The following PLAAT3 variants were observed in gnomAD, a reference collection of about 807,000 sequenced individuals.
The protein encoded by PLAAT3 is Ca-independent phospholipase A1/2.
A neutral mutation model predicts 16.7 loss-of-function variants in PLAAT3; 21 were observed. The ratio of observed to expected loss-of-function variants is 1.26; its 90% CI spans 0.89 to 1.81. The LOEUF (loss-of-function observed/expected upper bound fraction) is 1.81, where lower values mean the gene tolerates loss of function less well. Among genes scored for constraint, PLAAT3 ranks in the 40% most tolerant of loss-of-function variants. The pLI, the probability that PLAAT3 is intolerant of heterozygous loss-of-function variation, is 0.00. For synonymous variants in PLAAT3, 76 were observed against 81.7 expected (o/e 0.93, Z 0.38); for missense variants, 219 against 213.7 (o/e 1.02, Z -0.16).
chr11:63,593,768 C>T (rs922634917), intron 3 of PLAAT3, among the ~76,000 whole-genome samples: 4 of 152,090 alleles, frequency 2.6e-5, no homozygotes, highest in Non-Finnish European at 4.4e-5. Context: ...TTAATAGAGA[C>T]GGGGTTTCGC....
chr11:63,594,205 G>A (rs1048760420), intron 3 of PLAAT3, among the ~76,000 whole-genome samples: 1 of 152,208 alleles, frequency 6.6e-6, no homozygotes, highest in African/African-American at 2.4e-5. Flanking sequence ...AAGATGCCAG[G>A]TAGACACCCA....
At chr11:63,615,056 A>ATATG (rs1565259549), upstream of PLAAT3, among the ~76,000 whole-genome samples, 1 of 27,866 alleles carries the variant, frequency 3.6e-5, no homozygotes, top group African/African-American at 9.7e-5. Context: ...ATATATGTGT[A>ATATG]TATATATGTG....
intron 3 of PLAAT3, among the ~76,000 whole-genome samples, 188 bp from the exon 4 acceptor site, chr11:63,590,556 T>C (rs1938127340): frequency 6.6e-6 from 1 of 152,182 alleles, no homozygotes; most frequent in Non-Finnish European, 1.5e-5. Context: ...GGTTTCCTTA[T>C]CTAAAATGAA....
At chr11:63,603,478 G>A (rs1481804477) in intron 2 of PLAAT3, among the ~76,000 whole-genome samples, 2 of 152,018 alleles carry the variant, frequency 1.3e-5, no homozygotes, top group Non-Finnish European at 2.9e-5. Flanking sequence ...GCAATTTCTG[G>A]TCTCTGAAAT....
At chr11:63,598,259 A>G (rs1938344034) in intron 2 of PLAAT3, 96 bp from the exon 3 acceptor site, 1 of 795,058 alleles carries the variant, frequency 1.3e-6, no homozygotes, top group African/African-American at 1.7e-5. Context: ...GTCCCCAGCT[A>G]TCAGCTCAGC....
intron 4 of PLAAT3, among the ~76,000 whole-genome samples, chr11:63,576,515 G>A (rs578128886): frequency 6.6e-6 from 1 of 152,290 alleles, no homozygotes; most frequent in South Asian, 2.1e-4. Context: ...CAGGTACTCA[G>A]GAGGCTGAGG....
chr11:63,606,455 CACACACA>C (rs1938565984), intron 2 of PLAAT3, among the ~76,000 whole-genome samples: 2 of 151,954 alleles, frequency 1.3e-5, no homozygotes, highest in African/African-American at 4.8e-5. Flanking sequence ...CACACACACA[CACACACA>C]CCTTAGTAAA....
At chr11:63,601,481 C>T (rs932917160) in intron 2 of PLAAT3, among the ~76,000 whole-genome samples, 4 of 150,778 alleles carry the variant, frequency 2.7e-5, no homozygotes, top group Admixed American at 6.6e-5. Context: ...CACATAATTA[C>T]GCTCAAGCTC....
chr11:63,587,491 G>C (rs1423774447), intron 4 of PLAAT3, among the ~76,000 whole-genome samples: 1 of 150,728 alleles, frequency 6.6e-6, no homozygotes, highest in African/African-American at 2.4e-5. Context: ...AATCAAATGT[G>C]AGGATAAAAT....
upstream of PLAAT3, among the ~76,000 whole-genome samples, chr11:63,615,096 A>ATG (rs1200287076): frequency 4.4e-4 from 53 of 119,312 alleles, 17 homozygotes; most frequent in African/African-American, 9.0e-4. Context: ...ATGTGTATAT[A>ATG]TGTGTATATA....
chr11:63,615,210 A>G (rs1197218846), upstream of PLAAT3, among the ~76,000 whole-genome samples: 69 of 30,836 alleles, frequency 2.2e-3, 16 homozygotes, highest in African/African-American at 6.1e-3. Flanking sequence ...ATATGTGTGT[A>G]TATATATGTG....
chr11:63,595,292 G>GAAAAAAA (rs59751911), intron 3 of PLAAT3, among the ~76,000 whole-genome samples: 1 of 88,456 alleles, frequency 1.1e-5, no homozygotes, highest in African/African-American at 5.1e-5. Context: ...CTCCGTCTCG[G>GAAAAAAA]AAAAAAAAAA....
chr11:63,596,101 G>C (rs78970090), intron 3 of PLAAT3, among the ~76,000 whole-genome samples: 21,011 of 151,622 alleles, frequency 0.14, 1,560 homozygotes, highest in Middle Eastern at 0.2. Flanking sequence ...ATTAGCCAGG[G>C]GTGGTGCCAG....
At chr11:63,615,096 ATG>A (rs1200287076), upstream of PLAAT3, among the ~76,000 whole-genome samples, 1 of 119,310 alleles carries the variant, frequency 8.4e-6, no homozygotes, top group Non-Finnish European at 1.8e-5. Context: ...ATGTGTATAT[ATG>A]TGTATATATG....
chr11:63,578,244 C>G (rs1245415179), intron 4 of PLAAT3, among the ~76,000 whole-genome samples: 1 of 151,454 alleles, frequency 6.6e-6, no homozygotes. Flanking sequence ...GATGGTGCCA[C>G]TGCACTCCAG....
intron 3 of PLAAT3, among the ~76,000 whole-genome samples, chr11:63,596,975 A>G (rs1172670256): frequency 6.6e-6 from 1 of 151,982 alleles, no homozygotes; most frequent in Non-Finnish European, 1.5e-5. Flanking sequence ...AGGTGCCTGT[A>G]ATCCCAGCTA....
chr11:63,587,451 A>G (rs1407864120), intron 4 of PLAAT3, among the ~76,000 whole-genome samples: 1 of 152,130 alleles, frequency 6.6e-6, no homozygotes, highest in East Asian at 1.9e-4. Context: ...ATTATTTCTA[A>G]CCTAGAATTC....
intron 3 of PLAAT3, among the ~76,000 whole-genome samples, chr11:63,593,478 G>A (rs1157947922): frequency 1.3e-5 from 2 of 152,234 alleles, no homozygotes; most frequent in Non-Finnish European, 2.9e-5. Flanking sequence ...GAGGGGAGAA[G>A]AGAAAGACGA....
At chr11:63,608,700 A>T (rs1347365681) in intron 2 of PLAAT3, 1 of 152,208 alleles carries the variant, frequency 6.6e-6, no homozygotes, top group South Asian at 2.1e-4. Context: ...TGTTTATGAC[A>T]TATTTCAGGA....
Sources: gnomAD v4.1 joint callset for allele counts (sites outside exome capture counted in the v4.1 genomes callset) on GRCh38, gnomAD v4.1.1 for gene constraint, MANE v1.5 for transcripts, NCBI Gene and HGNC (gene_info 2026-07-23, HGNC 2026-07-21) for gene names.